The following FOXO3 variants were observed in gnomAD, a reference collection of about 807,000 sequenced individuals.
FOXO3 encodes forkhead box protein O3.
FOXO3 carries 4 observed loss-of-function variants against 41.9 expected under a neutral mutation model. The observed-to-expected ratio is 0.10, with a 90% confidence interval of 0.05 to 0.22. The LOEUF (loss-of-function observed/expected upper bound fraction) is 0.22. Ranked by LOEUF, FOXO3 falls within the 10% of genes least tolerant of loss-of-function variation. The probability of loss-of-function intolerance (pLI) is 1.00; values close to 1 mark genes in which losing one functional copy is unlikely to be tolerated. For synonymous variants in FOXO3, 318 were observed against 389.3 expected, an observed-to-expected ratio of 0.82 and a Z score of 2.16; for missense variants, 534 against 906.8, an observed-to-expected ratio of 0.59 and a Z score of 5.28.
intron 1 of FOXO3, among the ~76,000 whole-genome samples, chr6:108,597,281 A>C (rs1458686464): frequency 6.6e-6 from 1 of 152,190 alleles, no homozygotes; most frequent in Non-Finnish European, 1.5e-5. Context: ...GTGTCACCCC[A>C]GAGATTTACT....
chr6:108,613,894 A>G (rs1035853647), intron 1 of FOXO3, among the ~76,000 whole-genome samples: 5 of 152,204 alleles, frequency 3.3e-5, no homozygotes, highest in Non-Finnish European at 7.4e-5. Context: ...TACAACTGCT[A>G]TAGATGCATC....
At chr6:108,665,090 C>T (rs1460972393) in intron 2 of FOXO3, among the ~76,000 whole-genome samples, 2 of 152,162 alleles carry the variant, frequency 1.3e-5, no homozygotes, top group East Asian at 3.8e-4. Context: ...CCCCCCTTCC[C>T]CCGCACAGTT....
intron 1 of FOXO3, among the ~76,000 whole-genome samples, chr6:108,609,179 T>G (rs1408396491): frequency 2.0e-5 from 3 of 152,260 alleles, no homozygotes; most frequent in Admixed American, 2.0e-4. Flanking sequence ...TTATAACTGG[T>G]AAGCTGAGTA....
At chr6:108,606,767 C>G (rs893746296) in intron 1 of FOXO3, among the ~76,000 whole-genome samples, 9 of 152,178 alleles carry the variant, frequency 5.9e-5, no homozygotes, top group Non-Finnish European at 1.3e-4. Flanking sequence ...TTAGCACATG[C>G]TACCTTGCAC....
intron 1 of FOXO3, among the ~76,000 whole-genome samples, chr6:108,586,122 T>C (rs1776573933): frequency 6.6e-6 from 1 of 152,172 alleles, no homozygotes; most frequent in African/African-American, 2.4e-5. Context: ...TTTATGTTCC[T>C]CCTTGGAATG....
intron 2 of FOXO3, among the ~76,000 whole-genome samples, chr6:108,668,939 G>A (rs1027155564): frequency 6.6e-6 from 1 of 151,942 alleles, no homozygotes. Flanking sequence ...GTGAAACCCC[G>A]TCTCTACTAA....
intron 1 of FOXO3, among the ~76,000 whole-genome samples, chr6:108,634,972 A>C (rs1273432820): frequency 6.6e-6 from 1 of 151,720 alleles, no homozygotes; most frequent in African/African-American, 2.4e-5. Context: ...GTGCATGTAT[A>C]TATATATTCA....
chr6:108,673,168 C>T (rs1779265950), intron 2 of FOXO3, among the ~76,000 whole-genome samples: 1 of 152,152 alleles, frequency 6.6e-6, no homozygotes, highest in Non-Finnish European at 1.5e-5. Flanking sequence ...ATGCTGCCTG[C>T]CCACCGAGTA....
At chr6:108,666,190 A>C (rs190924256) in intron 2 of FOXO3, among the ~76,000 whole-genome samples, 107 of 152,242 alleles carry the variant, frequency 7.0e-4, no homozygotes, top group Non-Finnish European at 1.4e-3. Context: ...ACAAGAATCA[A>C]ATGCACTAAA....
chr6:108,581,674 A>C (rs955573739), intron 1 of FOXO3, among the ~76,000 whole-genome samples: 2 of 152,222 alleles, frequency 1.3e-5, no homozygotes, highest in Non-Finnish European at 2.9e-5. Context: ...AGTTTAAAAA[A>C]AAAAGTTTTG....
chr6:108,589,321 GGAGTCTT>G (rs1183219232), intron 1 of FOXO3, among the ~76,000 whole-genome samples: 1 of 152,188 alleles, frequency 6.6e-6, no homozygotes, highest in African/African-American at 2.4e-5. Context: ...CCCGGAGCTG[GGAGTCTT>G]GACCGGGCCA....
intron 1 of FOXO3, among the ~76,000 whole-genome samples, chr6:108,655,271 C>T (rs1778652612): frequency 6.6e-6 from 1 of 152,104 alleles, no homozygotes. Flanking sequence ...CAGATCTGGA[C>T]CTCAGTTACC....
intron 1 of FOXO3, among the ~76,000 whole-genome samples, chr6:108,617,176 CTT>C (rs1190242159): frequency 6.6e-6 from 1 of 152,122 alleles, no homozygotes; most frequent in Non-Finnish European, 1.5e-5. Flanking sequence ...TGGTAACTCT[CTT>C]TAACCTTTTG....
chr6:108,647,616 A>G (rs745991647), intron 1 of FOXO3, among the ~76,000 whole-genome samples: 9 of 152,198 alleles, frequency 5.9e-5, no homozygotes, highest in Non-Finnish European at 1.0e-4. Context: ...TTATTTGACC[A>G]TGTGGCAACA....
intron 2 of FOXO3, 133 bp downstream of exon 2, chr6:108,665,022 G>T (rs1176139411): frequency 3.0e-6 from 3 of 997,996 alleles, no homozygotes; most frequent in Non-Finnish European, 4.3e-6. Context: ...ACATAATATG[G>T]CTCCCAGCCA....
chr6:108,569,336 A>G (rs1776027117), intron 1 of FOXO3, among the ~76,000 whole-genome samples: 1 of 152,168 alleles, frequency 6.6e-6, no homozygotes, highest in Admixed American at 6.5e-5. Flanking sequence ...ATCTTTCACC[A>G]TTTTATTCCT....
At chr6:108,660,283 T>C (rs1479751147) in intron 1 of FOXO3, among the ~76,000 whole-genome samples, 1 of 152,222 alleles carries the variant, frequency 6.6e-6, no homozygotes, top group Non-Finnish European at 1.5e-5. Context: ...AGAAATTGTT[T>C]TACTTTTTAA....
At chr6:108,576,470 G>T (rs1776264622) in intron 1 of FOXO3, among the ~76,000 whole-genome samples, 1 of 152,194 alleles carries the variant, frequency 6.6e-6, no homozygotes. Flanking sequence ...AACCTGTGCT[G>T]AATAAGCAAG....
intron 1 of FOXO3, among the ~76,000 whole-genome samples, chr6:108,620,931 A>C (rs1432599337): frequency 6.6e-6 from 1 of 152,202 alleles, no homozygotes; most frequent in Non-Finnish European, 1.5e-5. Flanking sequence ...GGCACTTCTT[A>C]GATGTTTCAA....
Sources: gnomAD v4.1 joint callset for allele counts (sites outside exome capture counted in the v4.1 genomes callset) on GRCh38, gnomAD v4.1.1 for gene constraint, MANE v1.5 for transcripts, NCBI Gene and HGNC (gene_info 2026-07-23, HGNC 2026-07-21) for gene names.